The following NUF2 variants were observed in gnomAD, a reference collection of about 807,000 sequenced individuals.
NUF2 encodes the protein kinetochore protein Nuf2.
Under a neutral mutation model 61.8 loss-of-function variants are expected in NUF2, and 34 were observed. That is an observed-to-expected ratio of 0.55 (90% CI 0.42 to 0.73). The LOEUF (loss-of-function observed/expected upper bound fraction) is 0.73. NUF2 is among the 30% of genes least tolerant of loss of function. The pLI is 0.00. For synonymous variants in NUF2, 172 were observed against 181.6 expected, an observed-to-expected ratio of 0.95 and a Z score of 0.42; for missense variants, 445 against 539.1, an observed-to-expected ratio of 0.83 and a Z score of 1.73.
At chr1:163,337,451 T>A (rs1650799555) in intron 6 of NUF2, among the ~76,000 whole-genome samples, 2 of 152,142 alleles carry the variant, frequency 1.3e-5, no homozygotes, top group African/African-American at 4.8e-5. Flanking sequence ...ACTTAGACCC[T>A]AGGCTTCAGC....
At chr1:163,337,004 G>A (rs1053317368) in intron 6 of NUF2, among the ~76,000 whole-genome samples, 156 bp downstream of exon 6, 7 of 152,034 alleles carry the variant, frequency 4.6e-5, no homozygotes, top group Non-Finnish European at 8.8e-5. Flanking sequence ...GCAGATTTTA[G>A]TTACTGGATA....
intron 5 of NUF2, among the ~76,000 whole-genome samples, chr1:163,331,373 A>C (rs1650594002): frequency 6.6e-6 from 1 of 151,816 alleles, no homozygotes; most frequent in South Asian, 2.1e-4. Context: ...TGGTTATGAT[A>C]TATTTTTAAT....
At chr1:163,325,633 T>C (rs1268689911) in intron 1 of NUF2, among the ~76,000 whole-genome samples, 3 of 152,202 alleles carry the variant, frequency 2.0e-5, no homozygotes, top group Non-Finnish European at 2.9e-5. Flanking sequence ...GTTGTTTATA[T>C]ATAGCTTCTG....
chr1:163,334,934 G>A (rs1372508068), intron 5 of NUF2, among the ~76,000 whole-genome samples: 1 of 151,836 alleles, frequency 6.6e-6, no homozygotes, highest in South Asian at 2.1e-4. Flanking sequence ...GCCATTTTTT[G>A]TGTGTTTGTC....
intron 5 of NUF2, among the ~76,000 whole-genome samples, chr1:163,332,820 A>C (rs981422841): frequency 6.6e-6 from 1 of 152,178 alleles, no homozygotes; most frequent in Non-Finnish European, 1.5e-5. Flanking sequence ...AATTATACTT[A>C]TAAAGCCACT....
chr1:163,348,775 A>T (rs934877717), intron 12 of NUF2, among the ~76,000 whole-genome samples, 170 bp from the exon 13 acceptor site: 7 of 152,182 alleles, frequency 4.6e-5, no homozygotes, highest in African/African-American at 1.7e-4. Context: ...TTGTGATGTG[A>T]TTATAGTACC....
chr1:163,350,909 T>C (rs1223960708), intron 13 of NUF2, among the ~76,000 whole-genome samples: 1 of 152,138 alleles, frequency 6.6e-6, no homozygotes, highest in African/African-American at 2.4e-5. Context: ...TAAAATTCTG[T>C]CTCTTATTTT....
chr1:163,331,025 C>CT (rs35181525), intron 5 of NUF2, among the ~76,000 whole-genome samples: 5,707 of 134,918 alleles, frequency 0.042, 158 homozygotes, highest in Middle Eastern at 0.083. Context: ...GCCTTTTATT[C>CT]TTTTTTTTTT....
At chr1:163,351,553 A>G (rs1229241807) in intron 13 of NUF2, among the ~76,000 whole-genome samples, 2 of 152,166 alleles carry the variant, frequency 1.3e-5, no homozygotes, top group Non-Finnish European at 2.9e-5. Context: ...TCAAAATAAA[A>G]ATGTTTACTA....
rs553537600 is a variant in NUF2, at chr1:163,348,856, A to G, written c.1125-89A>G. On this transcript the variant is annotated intron_variant, in intron 12 of 13. Transcript: ENST00000271452. ...TTTTAGGTTTGTCAAATACTGACAC[A>G]TGGTCACTTTGGAATCAAAACTAGA... The G allele has an allele frequency of 3.5e-6, 5 of 1,413,368 alleles. No individual in the cohort carries two copies. In the East Asian group the frequency reaches 9.2e-5, roughly 26 times the overall value. 87.6% of individuals were successfully genotyped at this position (1,413,368 alleles called of 1,614,324 possible).
chr1:163,341,054 A>C (rs1277404001), intron 9 of NUF2, among the ~76,000 whole-genome samples: 1 of 152,206 alleles, frequency 6.6e-6, no homozygotes, highest in African/African-American at 2.4e-5. Context: ...AATGCAGCCA[A>C]GCTGATTTCT....
intron 5 of NUF2, among the ~76,000 whole-genome samples, chr1:163,332,363 T>A (rs1476747482): frequency 6.6e-6 from 1 of 152,186 alleles, no homozygotes; most frequent in Non-Finnish European, 1.5e-5. Context: ...TTGAATCCAT[T>A]TAAATGTATT....
intron 5 of NUF2, among the ~76,000 whole-genome samples, chr1:163,330,767 G>A (rs1650567910): frequency 1.3e-5 from 2 of 151,988 alleles, no homozygotes; most frequent in South Asian, 2.1e-4. Flanking sequence ...ATTTCAGAGT[G>A]CAGACCTTGT....
intron 9 of NUF2, 43 bp downstream of exon 9, chr1:163,340,469 A>G (rs61812220): frequency 0.036 from 52,030 of 1,439,008 alleles, 1,196 homozygotes; most frequent in Non-Finnish European, 0.043. Context: ...GTTTGAATAT[A>G]TTGTGTGGAG....
intron 5 of NUF2, 105 bp downstream of exon 5, chr1:163,329,012 G>A: frequency 3.6e-6 from 2 of 548,598 alleles, no homozygotes; most frequent in South Asian, 3.3e-5. Context: ...ACAACTTCAA[G>A]GAAATTGCCT....
chr1:163,328,372 G>GT, intron 4 of NUF2, 68 bp downstream of exon 4: 2 of 997,190 alleles, frequency 2.0e-6, no homozygotes, highest in Non-Finnish European at 3.1e-6. Flanking sequence ...TTTTCTTAAT[G>GT]ACATGGTTTT....
intron 9 of NUF2, among the ~76,000 whole-genome samples, chr1:163,341,031 T>C (rs1650926882): frequency 6.6e-6 from 1 of 152,190 alleles, no homozygotes; most frequent in Admixed American, 6.5e-5. Flanking sequence ...GAAATACACA[T>C]GTAAAATTGA....
chr1:163,322,591 G>T (rs1273623005), intron 1 of NUF2, among the ~76,000 whole-genome samples: 1 of 152,160 alleles, frequency 6.6e-6, no homozygotes, highest in East Asian at 1.9e-4. Context: ...TTCAAGGAAC[G>T]TTTTACTTAA....
At position 163,329,085 on chromosome 1, in the gene NUF2, C is replaced by T. The variant is rs1650520754; in HGVS notation, c.337+178C>T. ...ATATCTTGTTGAATTTCTTTTTTTC[C>T]TTTTGAGAGCCACAGAAAAGCTGTT... On this transcript the variant is annotated intron_variant, in intron 5 of 13. Coordinates refer to ENST00000271452, the MANE Select transcript of NUF2 (RefSeq NM_145697.3). Among the ~76,000 whole-genome samples the T allele has an allele frequency of 2.7e-5, 4 of 148,896 alleles. No homozygotes were observed. The South Asian group carries it at 8.4e-4, about 31-fold the overall frequency.
Sources: gnomAD v4.1 joint callset for allele counts (sites outside exome capture counted in the v4.1 genomes callset) on GRCh38, gnomAD v4.1.1 for gene constraint, MANE v1.5 for transcripts, NCBI Gene and HGNC (gene_info 2026-07-23, HGNC 2026-07-21) for gene names.